PARD3: variants seen among roughly 807,000 people sequenced by gnomAD.
PARD3 encodes partitioning defective 3 homolog.
Under a neutral mutation model 155.4 loss-of-function variants are expected in PARD3, and 75 were observed. That is an observed-to-expected ratio of 0.48 (90% CI 0.40 to 0.58). The LOEUF is 0.58. Ranked by LOEUF, PARD3 falls within the 20% of genes least tolerant of loss-of-function variation. The probability of loss-of-function intolerance (pLI) is 0.00; values close to 1 mark genes in which losing one functional copy is unlikely to be tolerated. For missense variants in PARD3, 1,642 were observed against 1,721.7 expected (o/e 0.95, Z 0.82); for synonymous variants, 576 against 610.5 (o/e 0.94, Z 0.83).
chr10:34,572,640 CAAAAA>C (rs1197487501), intron 2 of PARD3, among the ~76,000 whole-genome samples: 1 of 69,654 alleles, frequency 1.4e-5, no homozygotes, highest in Admixed American at 1.7e-4. Flanking sequence ...GACTCTGTCT[CAAAAA>C]AAAAAAAAAA....
In PARD3 at chr10:34,810,409, T is replaced by TA. The variant is rs1447357877; in HGVS notation, c.120+4466dup. 3.9e-5 allele frequency among the ~76,000 whole-genome samples: 6 copies of TA among 152,248 alleles called. No individual in the cohort carries two copies. In the South Asian group the frequency reaches 6.2e-4, roughly 16 times the overall value. On this transcript the variant is annotated intron_variant, in intron 1 of 24. Coordinates refer to ENST00000374788, the MANE Select transcript of PARD3 (RefSeq NM_001184785.2). Reference sequence around the variant, plus strand: ...CTTGTGTGGTCCCAAGTATTTTGGATAAAGGATGCTCAACCTGTAATAACA... The same window carrying TA: ...CTTGTGTGGTCCCAAGTATTTTGGATAAAAGGATGCTCAACCTGTAATAACA...
intron 5 of PARD3, among the ~76,000 whole-genome samples, chr10:34,449,951 C>A (rs187052027): frequency 2.0e-5 from 3 of 152,158 alleles, no homozygotes; most frequent in Non-Finnish European, 4.4e-5. Context: ...TTTTAATTTG[C>A]GTCTTCAGAT....
chr10:34,280,640 A>G (rs932441019), intron 21 of PARD3, among the ~76,000 whole-genome samples: 2 of 152,190 alleles, frequency 1.3e-5, no homozygotes, highest in Non-Finnish European at 2.9e-5. Flanking sequence ...TCTGGAAAAC[A>G]ATCAACTCCG....
chr10:34,523,061 C>T (rs890572951), intron 2 of PARD3, among the ~76,000 whole-genome samples: 1 of 152,152 alleles, frequency 6.6e-6, no homozygotes, highest in Admixed American at 6.5e-5. Flanking sequence ...TTTGATGACA[C>T]CACTTAAAAT....
intron 22 of PARD3, among the ~76,000 whole-genome samples, chr10:34,263,250 T>C (rs1955116128): frequency 6.6e-6 from 1 of 152,204 alleles, no homozygotes; most frequent in Non-Finnish European, 1.5e-5. Context: ...TGAAGTGCTT[T>C]ATATGTCATT....
intron 12 of PARD3, 24 bp from the exon 13 acceptor site, chr10:34,360,283 G>C (rs1839317050): frequency 6.6e-7 from 1 of 1,518,342 alleles, no homozygotes; most frequent in Admixed American, 1.7e-5. Flanking sequence ...AAATTGCACA[G>C]CACATTATAG....
intron 2 of PARD3, among the ~76,000 whole-genome samples, chr10:34,667,457 T>C (rs2093515118): frequency 6.6e-6 from 1 of 152,222 alleles, no homozygotes; most frequent in African/African-American, 2.4e-5. Flanking sequence ...CAGTGGCATT[T>C]ACCACGGTGT....
At chr10:34,117,281 G>C (rs1946729543) in intron 24 of PARD3, among the ~76,000 whole-genome samples, 1 of 152,156 alleles carries the variant, frequency 6.6e-6, no homozygotes, top group Non-Finnish European at 1.5e-5. Context: ...ATAAAAATAA[G>C]AACACAGCCC....
chr10:34,485,991 G>A (rs1306839974), intron 3 of PARD3, among the ~76,000 whole-genome samples: 5 of 140,444 alleles, frequency 3.6e-5, no homozygotes, highest in Non-Finnish European at 7.5e-5. Flanking sequence ...TGTCACGATC[G>A]TAGATCACTG....
chr10:34,264,648 T>C (rs1955204584), intron 22 of PARD3, among the ~76,000 whole-genome samples: 1 of 152,002 alleles, frequency 6.6e-6, no homozygotes, highest in Admixed American at 6.6e-5. Flanking sequence ...GGTACACTCC[T>C]CACTTAGGAG....
At chr10:34,732,460 A>C (rs1215697003) in intron 1 of PARD3, among the ~76,000 whole-genome samples, 2 of 152,178 alleles carry the variant, frequency 1.3e-5, no homozygotes, top group East Asian at 3.9e-4. Context: ...TTGGGAGGCC[A>C]AGGTGGGAGG....
At chr10:34,384,360 G>A in intron 7 of PARD3, 106 bp from the exon 8 acceptor site, 3 of 1,066,070 alleles carry the variant, frequency 2.8e-6, no homozygotes, top group South Asian at 1.9e-5. Context: ...TCCTTACAAA[G>A]GAGCATGTTA....
chr10:34,611,996 T>G (rs2090943275), intron 2 of PARD3, among the ~76,000 whole-genome samples: 1 of 140,204 alleles, frequency 7.1e-6, no homozygotes, highest in Non-Finnish European at 1.5e-5. Context: ...CCAGCTGATT[T>G]TTTGTATTTT....
intron 2 of PARD3, among the ~76,000 whole-genome samples, chr10:34,553,945 G>C (rs932654789): frequency 3.9e-5 from 6 of 152,298 alleles, no homozygotes; most frequent in Middle Eastern, 3.4e-3. Context: ...TGCTAGACTA[G>C]TGATGCATTT....
intron 22 of PARD3, among the ~76,000 whole-genome samples, chr10:34,205,417 T>C (rs1951424260): frequency 6.6e-6 from 1 of 152,084 alleles, no homozygotes; most frequent in African/African-American, 2.4e-5. Flanking sequence ...AGAAAACAAA[T>C]TAATAAAGCA....
chr10:34,697,831 T>C (rs1269494742), intron 1 of PARD3, among the ~76,000 whole-genome samples: 1 of 151,264 alleles, frequency 6.6e-6, no homozygotes, highest in East Asian at 1.9e-4. Context: ...CTATTCTGAC[T>C]GCACATGAAT....
intron 7 of PARD3, among the ~76,000 whole-genome samples, chr10:34,390,534 C>T (rs2132079554): frequency 6.6e-6 from 1 of 152,262 alleles, no homozygotes; most frequent in South Asian, 2.1e-4. Context: ...GTCATGATTC[C>T]TATCCTTCAT....
intron 1 of PARD3, among the ~76,000 whole-genome samples, chr10:34,729,265 T>C (rs912898342): frequency 1.3e-5 from 2 of 152,138 alleles, no homozygotes; most frequent in Non-Finnish European, 2.9e-5. Flanking sequence ...GCGTGGAGGC[T>C]CATGCCTATA....
At chr10:34,492,186 T>C (rs2079958049) in intron 3 of PARD3, among the ~76,000 whole-genome samples, 1 of 152,172 alleles carries the variant, frequency 6.6e-6, no homozygotes, top group Non-Finnish European at 1.5e-5. Flanking sequence ...CCTCGTTAGT[T>C]TTCTCTGCAA....
Sources: gnomAD v4.1 joint callset for allele counts (sites outside exome capture counted in the v4.1 genomes callset) on GRCh38, gnomAD v4.1.1 for gene constraint, MANE v1.5 for transcripts, NCBI Gene and HGNC (gene_info 2026-07-23, HGNC 2026-07-21) for gene names.